The following PRR5L variants were observed in gnomAD, a reference collection of about 807,000 sequenced individuals.
The protein encoded by PRR5L is proline-rich protein 5-like.
A neutral mutation model predicts 36.4 loss-of-function variants in PRR5L; 21 were observed. The ratio of observed to expected loss-of-function variants is 0.58; its 90% CI spans 0.41 to 0.83. PRR5L has a LOEUF of 0.83. Ranked by LOEUF, PRR5L falls within the 40% of genes least tolerant of loss-of-function variation. The pLI is 0.00. For missense variants in PRR5L, 381 were observed against 473.3 expected (o/e 0.80, Z 1.81); for synonymous variants, 188 against 197.0 (o/e 0.95, Z 0.38).
intron 1 of PRR5L, among the ~76,000 whole-genome samples, chr11:36,324,255 TACAA>T (rs1856639296): frequency 6.6e-6 from 1 of 152,208 alleles, no homozygotes; most frequent in Non-Finnish European, 1.5e-5. Flanking sequence ...ATAGATGAAT[TACAA>T]ACACTGTGCT....
chr11:36,298,901 AT>A (rs1004707926), intron 1 of PRR5L, among the ~76,000 whole-genome samples: 1 of 152,120 alleles, frequency 6.6e-6, no homozygotes, highest in Non-Finnish European at 1.5e-5. Context: ...GCATGTGCAA[AT>A]GTCCTCTTCT....
At chr11:36,419,145 C>T (rs1858211041) in intron 3 of PRR5L, 110 bp from the exon 4 acceptor site, 1 of 933,300 alleles carries the variant, frequency 1.1e-6, no homozygotes, top group Non-Finnish European at 1.8e-6. Flanking sequence ...AGAAAGTGCC[C>T]TCAAGATCTC....
At chr11:36,352,740 T>C (rs925438461) in intron 1 of PRR5L, among the ~76,000 whole-genome samples, 2 of 152,168 alleles carry the variant, frequency 1.3e-5, no homozygotes, top group Non-Finnish European at 2.9e-5. Flanking sequence ...TAGACATCCC[T>C]GGCCCTCCTC....
chr11:36,408,745 T>G (rs760438622), intron 3 of PRR5L, among the ~76,000 whole-genome samples: 2 of 152,130 alleles, frequency 1.3e-5, no homozygotes, highest in African/African-American at 2.4e-5. Context: ...CCCTAAACAG[T>G]CTTTTCTGCC....
At chr11:36,461,631 AC>A (rs1321944965) in intron 8 of PRR5L, among the ~76,000 whole-genome samples, 1 of 144,976 alleles carries the variant, frequency 6.9e-6, no homozygotes, top group Non-Finnish European at 1.5e-5. Context: ...CAAAAAAAAA[AC>A]AAAAAGCAGC....
chr11:36,351,682 T>TATATATTTATATAC (rs1856972480), intron 1 of PRR5L, among the ~76,000 whole-genome samples: 2 of 4,456 alleles, frequency 4.5e-4, no homozygotes, highest in African/African-American at 1.3e-3. Flanking sequence ...TACTTATATA[T>TATATATTTATATAC]TTATATATTT....
intron 4 of PRR5L, among the ~76,000 whole-genome samples, chr11:36,426,790 C>T (rs1194279197): frequency 2.6e-5 from 4 of 152,210 alleles, no homozygotes; most frequent in Admixed American, 1.3e-4. Context: ...TTGTCATCAC[C>T]ACTAAAACAT....
At chr11:36,357,138 A>T (rs1857036099) in intron 1 of PRR5L, among the ~76,000 whole-genome samples, 1 of 152,242 alleles carries the variant, frequency 6.6e-6, no homozygotes, top group South Asian at 2.1e-4. Flanking sequence ...TGATCAAACC[A>T]GCCACAACAT....
At chr11:36,407,534 G>A (rs920850716) in intron 3 of PRR5L, among the ~76,000 whole-genome samples, 3 of 152,186 alleles carry the variant, frequency 2.0e-5, no homozygotes, top group African/African-American at 7.2e-5. Flanking sequence ...AGAGCCAGCT[G>A]TTTCTCCTTT....
At chr11:36,351,962 A>C (rs1856980333) in intron 1 of PRR5L, among the ~76,000 whole-genome samples, 2 of 151,618 alleles carry the variant, frequency 1.3e-5, no homozygotes, top group Non-Finnish European at 2.9e-5. Flanking sequence ...TATTAGATCA[A>C]ATGGTAGTTC....
At chr11:36,346,952 G>A (rs1232028769) in intron 1 of PRR5L, among the ~76,000 whole-genome samples, 2 of 152,208 alleles carry the variant, frequency 1.3e-5, no homozygotes, top group East Asian at 3.8e-4. Flanking sequence ...CAAAAGAATA[G>A]GCGTGGCTGT....
Position 36,300,423 on chromosome 11 carries a change from T to C in PRR5L, c.-126+3985T>C, listed in dbSNP as rs2133447329. 1.3e-5 allele frequency among the ~76,000 whole-genome samples: 2 copies of C among 152,296 alleles called. 1 individual carries two copies. Among genetic ancestry groups the C allele is most frequent in the South Asian group, 4.1e-4 (2 of 4,828 alleles). ...CACCAGGGCAGCACCAAGTCATTCA[T>C]GAAAGATCTGCCCCCGTGACCCAAA... On this transcript the variant is annotated intron_variant, in intron 1 of 8. Transcript: ENST00000530639.
At chr11:36,391,006 G>T (rs969546024) in intron 1 of PRR5L, among the ~76,000 whole-genome samples, 1 of 119,180 alleles carries the variant, frequency 8.4e-6, no homozygotes, top group African/African-American at 3.2e-5. Flanking sequence ...GGATTTGCAC[G>T]CTGGGCTTTC....
At chr11:36,421,967 G>A (rs1477477589) in intron 4 of PRR5L, among the ~76,000 whole-genome samples, 2 of 152,116 alleles carry the variant, frequency 1.3e-5, no homozygotes, top group African/African-American at 2.4e-5. Flanking sequence ...GCATTGAGTT[G>A]ATCATTGAGT....
chr11:36,329,873 A>G lies in PRR5L; in HGVS notation c.-126+33435A>G, dbSNP rs146829296. On this transcript the variant is annotated intron_variant, in intron 1 of 8. Coordinates refer to ENST00000530639, the MANE Select transcript of PRR5L (RefSeq NM_001160167.2). Reference sequence around the variant, plus strand: ...AAGTGACCTTCATTACTCATCTGTAAGGCTGGGAACCCTGTAGTCCAGGAA... The same window carrying G: ...AAGTGACCTTCATTACTCATCTGTAGGGCTGGGAACCCTGTAGTCCAGGAA... Among the ~76,000 whole-genome samples the G allele has an allele frequency of 2.7e-3, 408 of 152,310 alleles. 5 individuals carry two copies. Among genetic ancestry groups the G allele is most frequent in the African/African-American group, 9.6e-3 (400 of 41,566 alleles).
intron 5 of PRR5L, among the ~76,000 whole-genome samples, chr11:36,432,462 G>C (rs1014044568): frequency 3.9e-5 from 6 of 152,188 alleles, no homozygotes; most frequent in African/African-American, 1.4e-4. Context: ...GAACTGAATG[G>C]AGATAGAAAC....
At chr11:36,334,995 CT>C (rs1348601063) in intron 1 of PRR5L, among the ~76,000 whole-genome samples, 1 of 152,152 alleles carries the variant, frequency 6.6e-6, no homozygotes, top group African/African-American at 2.4e-5. Context: ...TTAGGTATTG[CT>C]TTTGAAATGC....
At chr11:36,336,829 C>T (rs1856773623) in intron 1 of PRR5L, among the ~76,000 whole-genome samples, 2 of 152,116 alleles carry the variant, frequency 1.3e-5, no homozygotes, top group Non-Finnish European at 2.9e-5. Flanking sequence ...TAGCAATTGT[C>T]ACTGAAGAAA....
At position 36,464,634 on chromosome 11, in the gene PRR5L, A is replaced by G. The variant is rs914999027; in HGVS notation, c.*1898A>G. 8 of 152,250 alleles carry G rather than the reference A, an allele frequency of 5.3e-5. No individual in the cohort carries two copies. Among genetic ancestry groups the G allele is most frequent in the African/African-American group, 1.7e-4 (7 of 41,478 alleles). The allele number at this position is 152,250 out of a possible 1,614,324, so 9.4% of individuals were successfully genotyped here. A position where few individuals can be genotyped will look rare whatever the true frequency, so the allele number is the denominator to read the frequency against. ...CAACATGATAATTTATGTAACTGAT[A>G]GCTTCTGTCCTTATTAGTACACTTA... On this transcript the variant is annotated 3_prime_UTR_variant, in exon 9 of 9. Coordinates refer to ENST00000530639, the MANE Select transcript of PRR5L (RefSeq NM_001160167.2).
Sources: gnomAD v4.1 joint callset for allele counts (sites outside exome capture counted in the v4.1 genomes callset) on GRCh38, gnomAD v4.1.1 for gene constraint, MANE v1.5 for transcripts, NCBI Gene and HGNC (gene_info 2026-07-23, HGNC 2026-07-21) for gene names.